The following ARL13B variants were observed in gnomAD, a reference collection of about 807,000 sequenced individuals.
ARL13B encodes ADP-ribosylation factor-like protein 13B.
A neutral mutation model predicts 56.1 loss-of-function variants in ARL13B; 36 were observed. The observed-to-expected ratio is 0.64, with a 90% confidence interval of 0.49 to 0.85. The LOEUF (loss-of-function observed/expected upper bound fraction) is 0.85. Among genes scored for constraint, ARL13B ranks in the 40% least tolerant of loss-of-function variants. The pLI is 0.00. For missense variants in ARL13B, 519 were observed against 507.1 expected, an observed-to-expected ratio of 1.02 and a Z score of -0.23; for synonymous variants, 178 against 171.1, an observed-to-expected ratio of 1.04 and a Z score of -0.32.
chr3:93,984,849 T>C (rs528077435), intron 1 of ARL13B, among the ~76,000 whole-genome samples: 1 of 152,098 alleles, frequency 6.6e-6, no homozygotes, highest in Admixed American at 6.6e-5. Context: ...CGTACAAAAA[T>C]GTTTTAAAAA....
At chr3:94,032,885 C>A (rs554029577) in intron 3 of ARL13B, among the ~76,000 whole-genome samples, 1 of 152,286 alleles carries the variant, frequency 6.6e-6, no homozygotes, top group Admixed American at 6.5e-5. Context: ...GAAAAGAAAT[C>A]ATTATACAAG....
intron 2 of ARL13B, among the ~76,000 whole-genome samples, 158 bp downstream of exon 2, chr3:93,996,102 C>G (rs2075961602): frequency 6.6e-6 from 1 of 152,306 alleles, no homozygotes; most frequent in South Asian, 2.1e-4. Context: ...GGCGAATAGG[C>G]TCTGTCTTAA....
At chr3:94,003,625 A>C in intron 2 of ARL13B, 34 bp from the exon 3 acceptor site, 1 of 1,608,380 alleles carries the variant, frequency 6.2e-7, no homozygotes, top group African/African-American at 1.3e-5. Flanking sequence ...TTAAAGTCTA[A>C]AGATTTTCTT....
intron 1 of ARL13B, among the ~76,000 whole-genome samples, chr3:93,987,536 T>G (rs35001908): frequency 0.08 from 12,250 of 152,274 alleles, 604 homozygotes; most frequent in Middle Eastern, 0.19. Context: ...CTAAGAATTA[T>G]TTCAGTTTTT....
intron 8 of ARL13B, among the ~76,000 whole-genome samples, chr3:94,050,421 T>C (rs2077050178): frequency 6.6e-6 from 1 of 152,100 alleles, no homozygotes; most frequent in African/African-American, 2.4e-5. Flanking sequence ...GATAAATATG[T>C]GTATAGTGCC....
chr3:94,035,236 CAAAA>C (rs374163446), intron 3 of ARL13B, 91 bp from the exon 4 acceptor site: 1,638 of 551,276 alleles, frequency 3.0e-3, no homozygotes, highest in East Asian at 3.5e-3. Context: ...GACTCAGTCT[CAAAA>C]AAAAAAAAAA....
Position 94,036,565 on chromosome 3 carries a change from C to T in ARL13B, c.500C>T (p.Ala167Val). ...KCLCQIEPCS[A>V]ISGYGKKIDK... ...TTTCTGTTTTAGGAACCATGTTCAG[C>T]AATCTCGGGGTATGGAAAGAAAATT... The change falls in exon 5 of 10, where the codon GCA becomes GTA. Residue 167 changes from alanine to valine, a missense_variant. Ala to Val is a moderately conservative substitution (Grantham distance 64, BLOSUM62 0). Coordinates refer to ENST00000394222, the MANE Select transcript of ARL13B (RefSeq NM_001174150.2). 6.2e-7 allele frequency: 1 copy of T among 1,613,878 alleles called. No individual in the cohort carries two copies. Among genetic ancestry groups the T allele is most frequent in the Non-Finnish European group, 8.5e-7 (1 of 1,179,986 alleles).
At chr3:94,042,662 T>C (rs537550937) in intron 6 of ARL13B, among the ~76,000 whole-genome samples, 1 of 152,152 alleles carries the variant, frequency 6.6e-6, no homozygotes. Context: ...TTCTGGGTGA[T>C]GTATGTCTGT....
intron 3 of ARL13B, among the ~76,000 whole-genome samples, chr3:94,011,093 G>A (rs866317217): frequency 2.8e-4 from 42 of 151,928 alleles, no homozygotes; most frequent in African/African-American, 9.4e-4. Context: ...ACCATAGAAA[G>A]CTCTTCAATT....
intron 3 of ARL13B, among the ~76,000 whole-genome samples, chr3:94,023,066 G>T (rs1011462604): frequency 1.3e-5 from 2 of 151,590 alleles, no homozygotes; most frequent in Non-Finnish European, 2.9e-5. Context: ...CTCTATTTTT[G>T]ATTTCCAATT....
At chr3:94,029,873 G>A (rs970467011) in intron 3 of ARL13B, among the ~76,000 whole-genome samples, 2 of 151,992 alleles carry the variant, frequency 1.3e-5, no homozygotes, top group Non-Finnish European at 2.9e-5. Flanking sequence ...ACTGCTTCAG[G>A]GTACTTCAAA....
chr3:93,993,743 A>C (rs1252449056), intron 1 of ARL13B, among the ~76,000 whole-genome samples: 1 of 152,216 alleles, frequency 6.6e-6, no homozygotes, highest in African/African-American at 2.4e-5. Flanking sequence ...AAAATAATAA[A>C]ATTATATTCT....
Position 94,030,135 on chromosome 3 carries a change from G to C in ARL13B, c.381-5196G>C, listed in dbSNP as rs2076649080. On this transcript the variant is annotated intron_variant, in intron 3 of 9. Coordinates refer to ENST00000394222, the MANE Select transcript of ARL13B (RefSeq NM_001174150.2). Reference sequence around the variant, plus strand: ...ACGAATGAAAATGGTTACCTATAAGGGAAGGGAAGGAAAAGGCAGAGAGAT... The same window carrying C: ...ACGAATGAAAATGGTTACCTATAAGCGAAGGGAAGGAAAAGGCAGAGAGAT... Among the ~76,000 whole-genome samples, 10 of 152,108 alleles carry C rather than the reference G, an allele frequency of 6.6e-5. No homozygotes were observed. In the South Asian group the frequency reaches 2.1e-3, roughly 31 times the overall value.
At position 94,035,236 on chromosome 3, in the gene ARL13B, CAAAAAAA is replaced by C. The variant is rs374163446; in HGVS notation, c.381-83_381-77del. On this transcript the variant is annotated intron_variant, in intron 3 of 9. Transcript: ENST00000394222. ...TGGGAAACAGAGCAAGACTCAGTCT[CAAAAAAA>C]AAAAAAAAAAAGAATGTGGTCAAAA... 10 of 555,978 alleles carry C rather than the reference CAAAAAAA, an allele frequency of 1.8e-5. No homozygotes were observed. The African/African-American group carries it at 2.0e-4, about 11-fold the overall frequency. The allele number at this position is 555,978 out of a possible 1,614,324, so 34.4% of individuals were successfully genotyped here. A position where few individuals can be genotyped will look rare whatever the true frequency, so the allele number is the denominator to read the frequency against.
At chr3:94,006,654 A>G (rs569169332) in intron 3 of ARL13B, among the ~76,000 whole-genome samples, 114 of 152,336 alleles carry the variant, frequency 7.5e-4, no homozygotes, top group African/African-American at 2.7e-3. Context: ...CAAAACTGGT[A>G]CATGCTTGTT....
At chr3:93,981,865 C>CAAA (rs11396818) in intron 1 of ARL13B, among the ~76,000 whole-genome samples, 102 of 68,164 alleles carry the variant, frequency 1.5e-3, no homozygotes, top group East Asian at 2.3e-3. Context: ...AACCCTGTCT[C>CAAA]AAAAAAAAAA....
At chr3:94,014,790 C>G in intron 3 of ARL13B, 1 of 1,613,988 alleles carries the variant, frequency 6.2e-7, no homozygotes, top group South Asian at 1.1e-5. Flanking sequence ...TCTTGCACTT[C>G]TCTTGCTTTG....
At chr3:94,038,593 G>A (rs1283976353) in intron 5 of ARL13B, among the ~76,000 whole-genome samples, 3 of 139,082 alleles carry the variant, frequency 2.2e-5, no homozygotes, top group African/African-American at 8.3e-5. Context: ...GCGCAGTCTC[G>A]GCGCACTGCA....
At chr3:94,032,665 T>C (rs1338870661) in intron 3 of ARL13B, among the ~76,000 whole-genome samples, 1 of 151,968 alleles carries the variant, frequency 6.6e-6, no homozygotes, top group Non-Finnish European at 1.5e-5. Context: ...CCCGGCTAGT[T>C]TTTTGTATTT....
Sources: gnomAD v4.1 joint callset for allele counts (sites outside exome capture counted in the v4.1 genomes callset) on GRCh38, gnomAD v4.1.1 for gene constraint, MANE v1.5 for transcripts, NCBI Gene and HGNC (gene_info 2026-07-23, HGNC 2026-07-21) for gene names.